Variants in SEPTIN11 observed in about 807,000 individuals in gnomAD.
SEPTIN11 encodes septin 11.
In SEPTIN11, 25 loss-of-function variants were observed where a neutral mutation model predicts 51.4. That is an observed-to-expected ratio of 0.49 (90% CI 0.35 to 0.68). The LOEUF (loss-of-function observed/expected upper bound fraction) is 0.68. Among genes scored for constraint, SEPTIN11 ranks in the 30% least tolerant of loss-of-function variants. SEPTIN11 has a pLI of 0.00. For synonymous variants in SEPTIN11, 174 were observed against 184.1 expected, an observed-to-expected ratio of 0.95 and a Z score of 0.44; for missense variants, 381 against 520.8, an observed-to-expected ratio of 0.73 and a Z score of 2.61.
At chr4:76,968,389 T>C (rs1365923197) in intron 1 of SEPTIN11, among the ~76,000 whole-genome samples, 1 of 152,180 alleles carries the variant, frequency 6.6e-6, no homozygotes, top group Non-Finnish European at 1.5e-5. Context: ...AATTTCCTGT[T>C]AATCCTTCCC....
At chr4:77,028,926 T>C (rs1726390676) in intron 8 of SEPTIN11, among the ~76,000 whole-genome samples, 165 bp downstream of exon 8, 1 of 152,228 alleles carries the variant, frequency 6.6e-6, no homozygotes, top group African/African-American at 2.4e-5. Flanking sequence ...TTCTCATCCC[T>C]GTCTTACAGA....
chr4:77,019,102 C>G, intron 5 of SEPTIN11, 63 bp from the exon 6 acceptor site: 1 of 1,462,730 alleles, frequency 6.8e-7, no homozygotes, highest in Non-Finnish European at 9.4e-7. Context: ...AAGATAGAGA[C>G]TGGTGGAAAC....
At chr4:76,982,922 TTG>T (rs1396173078) in intron 1 of SEPTIN11, among the ~76,000 whole-genome samples, 1 of 152,064 alleles carries the variant, frequency 6.6e-6, no homozygotes, top group African/African-American at 2.4e-5. Context: ...CTGGAGACAG[TTG>T]TGTGTTTTTT....
At chr4:77,000,845 A>G (rs1004507496) in intron 2 of SEPTIN11, among the ~76,000 whole-genome samples, 1 of 152,208 alleles carries the variant, frequency 6.6e-6, no homozygotes, top group Non-Finnish European at 1.5e-5. Flanking sequence ...ATGAGGAACA[A>G]GAACAACGCA....
intron 3 of SEPTIN11, among the ~76,000 whole-genome samples, chr4:77,011,060 A>T (rs533310491): frequency 6.6e-6 from 1 of 152,336 alleles, no homozygotes; most frequent in Admixed American, 6.5e-5. Context: ...GAAGATTTTG[A>T]GTTGAAAGGA....
intron 1 of SEPTIN11, among the ~76,000 whole-genome samples, chr4:76,977,416 T>C (rs1722553309): frequency 6.6e-6 from 1 of 152,148 alleles, no homozygotes; most frequent in Non-Finnish European, 1.5e-5. Context: ...TAAAATGCCT[T>C]CAGAAATGGG....
chr4:77,013,907 A>C (rs1337819147), intron 4 of SEPTIN11, among the ~76,000 whole-genome samples: 1 of 152,168 alleles, frequency 6.6e-6, no homozygotes, highest in Non-Finnish European at 1.5e-5. Context: ...GTAACGTCTT[A>C]TTGAAACCTG....
intron 8 of SEPTIN11, among the ~76,000 whole-genome samples, chr4:77,030,107 T>C (rs2109984448): frequency 6.6e-6 from 1 of 152,112 alleles, no homozygotes; most frequent in Non-Finnish European, 1.5e-5. Context: ...GATACAAAAA[T>C]TAGCTGGGTG....
rs541799869 is a variant in SEPTIN11 at position 77,018,311 on chromosome 4, T to G, written c.688-854T>G. Among the ~76,000 whole-genome samples, 354 of 152,198 alleles carry G rather than the reference T, an allele frequency of 2.3e-3. 2 individuals carry two copies. Among genetic ancestry groups the G allele is most frequent in the African/African-American group, 8.1e-3 (335 of 41,534 alleles). On this transcript the variant is annotated intron_variant, in intron 5 of 9. Transcript: ENST00000264893. ...TAAAAATACAAAAATTAGCTGGGCA[T>G]GGTGGCCGGTGCCTGTAGTCCCAGC...
chr4:77,020,395 C>A lies in SEPTIN11; in HGVS notation c.785-107C>A, dbSNP rs117003544. ...AGGATCTTCAGATGGTCTTGAGACCCCAGAGATTTCAGGAGTGATGGTAAT... is the reference window on the plus strand; with the variant it reads ...AGGATCTTCAGATGGTCTTGAGACCACAGAGATTTCAGGAGTGATGGTAAT... On this transcript the variant is annotated intron_variant, in intron 6 of 9. Coordinates refer to ENST00000264893, the MANE Select transcript of SEPTIN11 (RefSeq NM_018243.4). 2.9e-6 allele frequency: 4 copies of A among 1,359,712 alleles called. No individual in the cohort carries two copies. The East Asian group carries it at 6.9e-5, about 24-fold the overall frequency. The allele number at this position is 1,359,712 out of a possible 1,614,324, so 84.2% of individuals were successfully genotyped here.
In SEPTIN11 at chr4:77,034,801, G is replaced by A. The variant is rs1367912997; in HGVS notation, c.*289G>A. 4.5e-6 allele frequency: 5 copies of A among 1,116,800 alleles called. No individual in the cohort carries two copies. In the African/African-American group the frequency reaches 6.5e-5, roughly 15 times the overall value. The allele number at this position is 1,116,800 out of a possible 1,614,324, so 69.2% of individuals were successfully genotyped here. A position where few individuals can be genotyped will look rare whatever the true frequency, so the allele number is the denominator to read the frequency against. On this transcript the variant is annotated 3_prime_UTR_variant, in exon 10 of 10. Coordinates refer to ENST00000264893, the MANE Select transcript of SEPTIN11 (RefSeq NM_018243.4). ...GCAGCACGAAGCAGGCCTGTTACTT[G>A]TATGTCGCTTTGGACAGAGGAAAGT...
rs771686832 is a variant in SEPTIN11 at position 77,011,781 on chromosome 4, C to T, written c.385C>T (p.Leu129=). ...TATTGATGCCCAGTTCGAGGCCTAC[C>T]TGCAAGAGGAATTGAAGATTAAACG... ...EYIDAQFEAY[L]QEELKIKRSL... Residue 129 remains leucine (L), a synonymous_variant, in exon 4 of 10, where the codon CTG becomes TTG. Coordinates refer to ENST00000264893, the MANE Select transcript of SEPTIN11 (RefSeq NM_018243.4). 1 of 1,614,106 alleles carries T rather than the reference C, an allele frequency of 6.2e-7. No individual in the cohort carries two copies. Among genetic ancestry groups the T allele is most frequent in the South Asian group, 1.1e-5 (1 of 91,082 alleles).
At chr4:76,992,490 T>C (rs1021053888) in intron 1 of SEPTIN11, among the ~76,000 whole-genome samples, 9 of 152,226 alleles carry the variant, frequency 5.9e-5, no homozygotes, top group African/African-American at 2.2e-4. Context: ...TTGACTTTAC[T>C]AGTTGGGAAA....
chr4:76,950,822 G>A (rs1721302950), intron 1 of SEPTIN11, among the ~76,000 whole-genome samples: 1 of 151,916 alleles, frequency 6.6e-6, no homozygotes, highest in Non-Finnish European at 1.5e-5. Context: ...AGTGAAAGGC[G>A]GAGGAAGGGG....
At position 77,036,944 on chromosome 4, in the gene SEPTIN11, G is replaced by A. The variant is rs542057197; in HGVS notation, c.*2432G>A. On this transcript the variant is annotated 3_prime_UTR_variant, in exon 10 of 10. Coordinates refer to ENST00000264893, the MANE Select transcript of SEPTIN11 (RefSeq NM_018243.4). Reference sequence around the variant, plus strand: ...TTTTCTTTTCAAGGGGGGCAGGAAGGTAATGGTTTGAGTAGCCTTTGTTTA... The same window carrying A: ...TTTTCTTTTCAAGGGGGGCAGGAAGATAATGGTTTGAGTAGCCTTTGTTTA... 9 of 1,309,604 alleles carry A rather than the reference G, an allele frequency of 6.9e-6. No homozygotes were observed. The highest frequency in any genetic ancestry group is 2.0e-4 in the Middle Eastern group (1 of 5,032). 81.1% of individuals were successfully genotyped at this position (1,309,604 alleles called of 1,614,324 possible).
chr4:76,974,583 A>G, intron 1 of SEPTIN11: 1 of 368,162 alleles, frequency 2.7e-6, no homozygotes, highest in Admixed American at 3.5e-5. Flanking sequence ...ACCCAAGGAC[A>G]GTAGAACTAA....
Position 77,037,246 on chromosome 4 carries a change from C to T in SEPTIN11, c.*2734C>T, listed in dbSNP as rs1231329906. 6.7e-6 allele frequency: 4 copies of T among 598,096 alleles called. No individual in the cohort carries two copies. Among genetic ancestry groups the T allele is most frequent in the Non-Finnish European group, 8.4e-6 (4 of 476,554 alleles). 37.0% of individuals were successfully genotyped at this position (598,096 alleles called of 1,614,324 possible). A position where few individuals can be genotyped will look rare whatever the true frequency, so the allele number is the denominator to read the frequency against. On this transcript the variant is annotated 3_prime_UTR_variant, in exon 10 of 10. Coordinates refer to ENST00000264893, the MANE Select transcript of SEPTIN11 (RefSeq NM_018243.4). ...GCGTGGTGGCACGTGCCTGTAGTCCCAGCTACTTGGGAGGCTAAGTCAGGA... is the reference window on the plus strand; with the variant it reads ...GCGTGGTGGCACGTGCCTGTAGTCCTAGCTACTTGGGAGGCTAAGTCAGGA...
At chr4:76,955,260 T>C (rs535464535) in intron 1 of SEPTIN11, among the ~76,000 whole-genome samples, 111 of 152,310 alleles carry the variant, frequency 7.3e-4, no homozygotes, top group Non-Finnish European at 1.4e-3. Context: ...GCTGAAATTA[T>C]GTTGGTGAGT....
At chr4:76,983,737 TG>T (rs1399459054) in intron 1 of SEPTIN11, among the ~76,000 whole-genome samples, 117 of 152,286 alleles carry the variant, frequency 7.7e-4, no homozygotes, top group African/African-American at 2.6e-3. Context: ...AGGCCAGGTG[TG>T]GTGGCTCATG....
Sources: gnomAD v4.1 joint callset for allele counts (sites outside exome capture counted in the v4.1 genomes callset) on GRCh38, gnomAD v4.1.1 for gene constraint, MANE v1.5 for transcripts, NCBI Gene and HGNC (gene_info 2026-07-23, HGNC 2026-07-21) for gene names.